The following CMPK1 variants were observed in gnomAD, a reference collection of about 807,000 sequenced individuals.
CMPK1 encodes UMP-CMP kinase.
CMPK1 carries 10 observed loss-of-function variants against 25.7 expected under a neutral mutation model. The observed-to-expected ratio is 0.39, with a 90% confidence interval of 0.24 to 0.66. The LOEUF is 0.66. Ranked by LOEUF, CMPK1 falls within the 30% of genes least tolerant of loss-of-function variation. CMPK1 has a pLI of 0.48. For missense variants in CMPK1, 199 were observed against 280.5 expected, an observed-to-expected ratio of 0.71 and a Z score of 2.08; for synonymous variants, 106 against 101.5, an observed-to-expected ratio of 1.04 and a Z score of -0.27.
At chr1:47,362,206 G>C (rs1031944843) in intron 1 of CMPK1, among the ~76,000 whole-genome samples, 28 of 120,822 alleles carry the variant, frequency 2.3e-4, no homozygotes, top group African/African-American at 8.4e-4. Flanking sequence ...TTTGGCTCTT[G>C]TTGCCTAGGC....
At chr1:47,338,632 CA>C (rs1646418207) in intron 1 of CMPK1, among the ~76,000 whole-genome samples, 1 of 145,242 alleles carries the variant, frequency 6.9e-6, no homozygotes, top group Non-Finnish European at 1.5e-5. Context: ...TTTTTTTTAC[CA>C]AATACCCAGA....
At position 47,346,143 on chromosome 1, in the gene CMPK1, G is replaced by A. The variant is rs775785999; in HGVS notation, c.171+12027G>A. On this transcript the variant is annotated intron_variant, in intron 1 of 5. Transcript: ENST00000371873. ...TGGCTCACTGCAACCTCTGCCTCCC[G>A]GGTTCAAGAGATTCTCCTGCCTCAG... 2.6e-5 allele frequency among the ~76,000 whole-genome samples: 4 copies of A among 151,496 alleles called. 1 individual carries two copies. The highest frequency in any genetic ancestry group is 7.3e-5 in the African/African-American group (3 of 41,286).
chr1:47,374,779 T>G, intron 3 of CMPK1, 130 bp from the exon 4 acceptor site: 1 of 593,766 alleles, frequency 1.7e-6, no homozygotes, highest in Non-Finnish European at 2.9e-6. Flanking sequence ...GCATGTTGAT[T>G]AATGAATTAG....
In CMPK1 at chr1:47,334,209, C is replaced by G. The variant is rs1010506829; in HGVS notation, c.171+93C>G. On this transcript the variant is annotated intron_variant, in intron 1 of 5. Coordinates refer to ENST00000371873, the MANE Select transcript of CMPK1 (RefSeq NM_016308.3). Reference sequence around the variant, plus strand: ...CCTAGTCCGCGCCCCGCGGAGTCGCCGAGCCGCAGACTACGAGTCCCGGCG... The same window carrying G: ...CCTAGTCCGCGCCCCGCGGAGTCGCGGAGCCGCAGACTACGAGTCCCGGCG... The G allele has an allele frequency of 8.7e-6, 10 of 1,155,230 alleles. No individual in the cohort carries two copies. In the South Asian group the frequency reaches 1.1e-4, roughly 12 times the overall value. 71.6% of individuals were successfully genotyped at this position (1,155,230 alleles called of 1,614,324 possible). A position where few individuals can be genotyped will look rare whatever the true frequency, so the allele number is the denominator to read the frequency against.
intron 1 of CMPK1, among the ~76,000 whole-genome samples, chr1:47,335,374 C>T (rs1646389008): frequency 6.6e-6 from 1 of 152,168 alleles, no homozygotes; most frequent in Non-Finnish European, 1.5e-5. Context: ...CGCTGTGGCT[C>T]ACTCCTGTAA....
intron 1 of CMPK1, among the ~76,000 whole-genome samples, chr1:47,365,876 GT>G (rs373776111): frequency 1.3e-5 from 2 of 152,182 alleles, no homozygotes; most frequent in Middle Eastern, 3.4e-3. Context: ...AATGAATTGA[GT>G]TTATATATTT....
At chr1:47,365,653 G>GAAAAAAAAAAA (rs759506110) in intron 1 of CMPK1, among the ~76,000 whole-genome samples, 12 of 93,260 alleles carry the variant, frequency 1.3e-4, no homozygotes, top group Non-Finnish European at 2.3e-4. Flanking sequence ...AAAAAAAAGT[G>GAAAAAAAAAAA]AGAGAAATTG....
chr1:47,351,857 C>T (rs115516736), intron 1 of CMPK1, among the ~76,000 whole-genome samples: 3,446 of 151,662 alleles, frequency 0.023, 132 homozygotes, highest in East Asian at 0.19. Context: ...TGTCTTTGGC[C>T]GGGTGTAATG....
At chr1:47,370,239 G>A (rs1646669204) in intron 2 of CMPK1, among the ~76,000 whole-genome samples, 1 of 151,456 alleles carries the variant, frequency 6.6e-6, no homozygotes, top group Non-Finnish European at 1.5e-5. Context: ...TTTAACCCAC[G>A]TCCCTCTCAT....
chr1:47,354,599 C>CTTTTTTTTTTTT (rs34592236), intron 1 of CMPK1, among the ~76,000 whole-genome samples: 5 of 105,468 alleles, frequency 4.7e-5, no homozygotes, highest in Non-Finnish European at 7.6e-5. Flanking sequence ...TTGTGACTTG[C>CTTTTTTTTTTTT]TTTTTTTTTT....
intron 1 of CMPK1, among the ~76,000 whole-genome samples, chr1:47,350,318 C>T (rs1352050930): frequency 6.6e-6 from 1 of 152,006 alleles, no homozygotes; most frequent in Non-Finnish European, 1.5e-5. Context: ...CTCATTGAAG[C>T]CTCTACTTTT....
chr1:47,366,907 G>T (rs1646642918), intron 1 of CMPK1, among the ~76,000 whole-genome samples: 1 of 152,068 alleles, frequency 6.6e-6, no homozygotes, highest in South Asian at 2.1e-4. Flanking sequence ...TGTATTTTTA[G>T]TAGAGACAGG....
At chr1:47,339,865 G>A (rs1313450798) in intron 1 of CMPK1, among the ~76,000 whole-genome samples, 3 of 151,338 alleles carry the variant, frequency 2.0e-5, no homozygotes, top group African/African-American at 4.8e-5. Context: ...CCACCACAAC[G>A]CGTGGCTAAT....
At chr1:47,344,942 A>G (rs1001782028) in intron 1 of CMPK1, among the ~76,000 whole-genome samples, 2 of 151,276 alleles carry the variant, frequency 1.3e-5, no homozygotes, top group Admixed American at 1.3e-4. Flanking sequence ...TTTTACAAGG[A>G]CTCTGGCTCT....
chr1:47,371,390 C>G (rs546894538), intron 2 of CMPK1, among the ~76,000 whole-genome samples: 23 of 152,262 alleles, frequency 1.5e-4, no homozygotes, highest in African/African-American at 4.8e-4. Flanking sequence ...ACTTTTCAAC[C>G]CTTTGCAGTC....
Position 47,345,322 on chromosome 1 carries a change from T to C in CMPK1, c.171+11206T>C, listed in dbSNP as rs116803949. Among the ~76,000 whole-genome samples the C allele has an allele frequency of 2.8e-3, 429 of 152,238 alleles. 1 individual carries two copies. Among genetic ancestry groups the C allele is most frequent in the Middle Eastern group, 0.01 (3 of 294 alleles). On this transcript the variant is annotated intron_variant, in intron 1 of 5. Coordinates refer to ENST00000371873, the MANE Select transcript of CMPK1 (RefSeq NM_016308.3). Reference sequence around the variant, plus strand: ...TATGATGCCCTTAGTGTCTCAGTTTTTTTTTTTCATAGAAACTCTAGTGCA... The same window carrying C: ...TATGATGCCCTTAGTGTCTCAGTTTCTTTTTTTCATAGAAACTCTAGTGCA...
intron 3 of CMPK1, among the ~76,000 whole-genome samples, chr1:47,373,825 G>A (rs1646691667): frequency 6.6e-6 from 1 of 151,982 alleles, no homozygotes; most frequent in African/African-American, 2.4e-5. Context: ...AAACATACAG[G>A]ATAGCCTGAT....
At chr1:47,357,177 A>G (rs1646566652) in intron 1 of CMPK1, among the ~76,000 whole-genome samples, 1 of 151,490 alleles carries the variant, frequency 6.6e-6, no homozygotes, top group African/African-American at 2.4e-5. Flanking sequence ...GTTAGCCAGG[A>G]TGGTCTCGAT....
At chr1:47,364,805 T>C (rs1361934032) in intron 1 of CMPK1, among the ~76,000 whole-genome samples, 2 of 151,696 alleles carry the variant, frequency 1.3e-5, no homozygotes, top group African/African-American at 4.8e-5. Flanking sequence ...AGAGTCTTGC[T>C]CTGTCTCCCA....
Sources: allele counts gnomAD v4.1 joint callset (sites outside exome capture counted in the v4.1 genomes callset), GRCh38; gene constraint gnomAD v4.1.1; transcripts MANE v1.5; gene names NCBI Gene and HGNC (gene_info 2026-07-23, HGNC 2026-07-21).